Variants in USP34 observed in about 807,000 individuals in gnomAD.
The protein encoded by USP34 is ubiquitin specific peptidase 34.
A neutral mutation model predicts 460.3 loss-of-function variants in USP34; 70 were observed. That is an observed-to-expected ratio of 0.15 (90% CI 0.13 to 0.19). The LOEUF is 0.19. Among genes scored for constraint, USP34 ranks in the 10% least tolerant of loss-of-function variants. The pLI, the probability that USP34 is intolerant of heterozygous loss-of-function variation, is 1.00. For missense variants in USP34, 3,985 were observed against 4,236.2 expected, an observed-to-expected ratio of 0.94 and a Z score of 1.65; for synonymous variants, 1,647 against 1,405.3, an observed-to-expected ratio of 1.17 and a Z score of -3.85.
In USP34 at chr2:61,348,829, C is replaced by G; in HGVS notation, c.1601G>C (p.Gly534Ala). ...TTGCTCATCCATTTCAATGTCACTA[C>G]CTCCACTTTGATGTGTATCGCTATT... The part of the protein sequence containing the change: ...SDNSDTHQSG[G>A]SDIEMDEQLI... The change falls in exon 14 of 80, where the codon GGT (glycine) becomes GCT (alanine). Residue 534 changes from glycine to alanine, a missense_variant. Physicochemically the swap from Gly to Ala is moderately conservative, Grantham distance 60. This residue lies in a region of USP34 where 716 missense variants were observed against 626.2 expected (regional missense o/e 1.14). Transcript: ENST00000398571. The G allele has an allele frequency of 6.2e-6, 10 of 1,613,860 alleles. No individual in the cohort carries two copies. The highest frequency in any genetic ancestry group is 8.5e-6 in the Non-Finnish European group (10 of 1,179,872).
chr2:61,398,506 C>CGGGGG (rs1693609260), intron 3 of USP34, among the ~76,000 whole-genome samples: 15 of 111,466 alleles, frequency 1.3e-4, no homozygotes, highest in Non-Finnish European at 1.9e-4. Context: ...GAGGCGGAAG[C>CGGGGG]AGGGGAAGGA....
chr2:61,255,843 T>C (rs1688710809), intron 48 of USP34, among the ~76,000 whole-genome samples: 1 of 152,228 alleles, frequency 6.6e-6, no homozygotes, highest in Admixed American at 6.5e-5. Context: ...GTCATAGTAT[T>C]GCAATGCTTC....
chr2:61,339,156 G>T (rs1406910756), intron 18 of USP34, among the ~76,000 whole-genome samples, 195 bp downstream of exon 18: 1 of 152,140 alleles, frequency 6.6e-6, no homozygotes, highest in Non-Finnish European at 1.5e-5. Flanking sequence ...GCTGAAAAGA[G>T]CAACACTGAG....
At chr2:61,375,497 C>T (rs538221176) in intron 8 of USP34, among the ~76,000 whole-genome samples, 25 of 152,162 alleles carry the variant, frequency 1.6e-4, no homozygotes, top group South Asian at 2.1e-4. Context: ...AGGCGGGGCG[C>T]GGTGGCTCAC....
intron 33 of USP34, among the ~76,000 whole-genome samples, 194 bp from the exon 34 acceptor site, chr2:61,289,071 G>A (rs572592312): frequency 6.6e-6 from 1 of 152,068 alleles, no homozygotes; most frequent in Non-Finnish European, 1.5e-5. Context: ...AAAGTATCTA[G>A]AAATAAAGAG....
At position 61,444,019 on chromosome 2, in the gene USP34, C is replaced by A. The variant is rs576411002; in HGVS notation, c.44-23186G>T. Among the ~76,000 whole-genome samples, 8 of 152,238 alleles carry A rather than the reference C, an allele frequency of 5.3e-5. No homozygotes were observed. The South Asian group carries it at 1.4e-3, about 28-fold the overall frequency. On this transcript the variant is annotated intron_variant, in intron 1 of 79. Transcript: ENST00000398571. ...GGCAAGGTGGCTCATGCCTGTAACC[C>A]TAGCACTCTGGGAGGCGAAAGCAGG...
chr2:61,300,022 T>C (rs372483360), intron 29 of USP34, among the ~76,000 whole-genome samples: 2 of 152,188 alleles, frequency 1.3e-5, no homozygotes, highest in African/African-American at 2.4e-5. Flanking sequence ...CCAAGTGATG[T>C]TGTTTTGACC....
At chr2:61,425,387 C>T (rs2103983846) in intron 1 of USP34, among the ~76,000 whole-genome samples, 1 of 152,228 alleles carries the variant, frequency 6.6e-6, no homozygotes, top group South Asian at 2.1e-4. Context: ...CAACTACGCA[C>T]ACTTCCTGTT....
At chr2:61,245,490 T>C (rs1688395311) in intron 50 of USP34, among the ~76,000 whole-genome samples, 1 of 151,778 alleles carries the variant, frequency 6.6e-6, no homozygotes, top group Middle Eastern at 3.4e-3. Flanking sequence ...TATAATCAGA[T>C]AGATCCATTT....
chr2:61,233,301 C>T (rs1033511787), intron 57 of USP34, among the ~76,000 whole-genome samples: 2 of 151,892 alleles, frequency 1.3e-5, no homozygotes, highest in African/African-American at 4.8e-5. Context: ...TGTTAAACAC[C>T]ACCAGGAAAA....
intron 19 of USP34, 130 bp from the exon 20 acceptor site, chr2:61,331,501 C>T (rs775301421): frequency 2.4e-5 from 14 of 592,754 alleles, no homozygotes; most frequent in East Asian, 9.4e-5. Flanking sequence ...AAAATATACA[C>T]GTTTTATTTA....
chr2:61,320,903 G>A (rs193292812), intron 21 of USP34, among the ~76,000 whole-genome samples: 6 of 152,146 alleles, frequency 3.9e-5, no homozygotes, highest in East Asian at 3.9e-4. Context: ...CCAGCTACTC[G>A]GGAGGATAAG....
At chr2:61,276,699 T>G (rs766343585) in intron 41 of USP34, among the ~76,000 whole-genome samples, 3 of 152,198 alleles carry the variant, frequency 2.0e-5, no homozygotes, top group Non-Finnish European at 2.9e-5. Context: ...AAGAGAAGAC[T>G]TCAATCAACA....
Position 61,343,863 on chromosome 2 carries a change from G to C in USP34, c.2452C>G (p.Gln818Glu). 1 of 1,613,968 alleles carries C rather than the reference G, an allele frequency of 6.2e-7. No individual in the cohort carries two copies. Among genetic ancestry groups the C allele is most frequent in the Admixed American group, 1.7e-5 (1 of 60,012 alleles). Reference protein sequence around the residue: ...SHAELTSHLQQHLPNLASIYH... With the variant: ...SHAELTSHLQEHLPNLASIYH... ...ATGGAAGCTAAATTGGGAAGATGTT[G>C]TTGGAGGTGAGATGTCAGTTCCGCA... Residue 818 changes from glutamine to glutamate, a missense_variant, in exon 16 of 80, where the codon CAA becomes GAA. Transcript: ENST00000398571.
At chr2:61,262,259 G>GT (rs1558497494) in intron 43 of USP34, among the ~76,000 whole-genome samples, 1 of 150,918 alleles carries the variant, frequency 6.6e-6, no homozygotes, top group Admixed American at 6.6e-5. Flanking sequence ...CGTGTGTCAC[G>GT]TAAGTTTGGT....
intron 3 of USP34, among the ~76,000 whole-genome samples, chr2:61,402,720 A>T (rs1474219542): frequency 6.6e-6 from 1 of 152,226 alleles, no homozygotes; most frequent in Non-Finnish European, 1.5e-5. Flanking sequence ...GGCTTAAGAA[A>T]GGATAGCACA....
chr2:61,379,615 G>C (rs1010092091), intron 7 of USP34, among the ~76,000 whole-genome samples: 1 of 152,174 alleles, frequency 6.6e-6, no homozygotes, highest in Admixed American at 6.5e-5. Context: ...CATTCTGAGG[G>C]ATAAAGTTAA....
At chr2:61,354,853 C>T (rs1208480729) in intron 10 of USP34, among the ~76,000 whole-genome samples, 1 of 152,080 alleles carries the variant, frequency 6.6e-6, no homozygotes, top group African/African-American at 2.4e-5. Context: ...CAGGTAGTTG[C>T]CAGAATGCTT....
intron 75 of USP34, among the ~76,000 whole-genome samples, chr2:61,195,905 A>C (rs1306334355): frequency 2.0e-5 from 3 of 151,228 alleles, no homozygotes; most frequent in Non-Finnish European, 4.4e-5. Flanking sequence ...AATAATCTTC[A>C]ATTTTTTTTT....
Sources: gnomAD v4.1 joint callset for allele counts (sites outside exome capture counted in the v4.1 genomes callset) on GRCh38, gnomAD v4.1.1 for gene constraint, gnomAD v4.1.1 regional missense constraint, MANE v1.5 for transcripts, NCBI Gene and HGNC (gene_info 2026-07-23, HGNC 2026-07-21) for gene names.